The following MAS1 variants were observed in gnomAD, a reference collection of about 807,000 sequenced individuals.
The protein encoded by MAS1 is MAS1 proto-oncogene, G protein-coupled receptor.
For synonymous variants in MAS1, 163 were observed against 164.2 expected (o/e 0.99, Z 0.05); for missense variants, 387 against 409.7 (o/e 0.94, Z 0.48).
Position 159,911,389 on chromosome 6 carries a change from C to A in MAS1, c.*3456C>A. 1 of 126,202 alleles carries A rather than the reference C, an allele frequency of 7.9e-6. No homozygotes were observed. The highest frequency in any genetic ancestry group is 1.0e-4 in the Admixed American group (1 of 9,812). The allele number at this position is 126,202 out of a possible 1,614,324, so 7.8% of individuals were successfully genotyped here. A position where few individuals can be genotyped will look rare whatever the true frequency, so the allele number is the denominator to read the frequency against. ...TTGCTCTGTTGCCCCAGCTGGAGTG[C>A]GGTGGCGTGATTTCGGCTCACTGCA... On this transcript the variant is annotated 3_prime_UTR_variant, in exon 3 of 3. Transcript: ENST00000674077.
At position 159,909,000 on chromosome 6, in the gene MAS1, CCTG is replaced by C. The variant is rs1259341262; in HGVS notation, c.*1068_*1070del. 6.7e-6 allele frequency: 1 copy of C among 150,288 alleles called. No individual in the cohort carries two copies. Among genetic ancestry groups the C allele is most frequent in the Non-Finnish European group, 1.5e-5 (1 of 67,770 alleles). The allele number at this position is 150,288 out of a possible 1,614,324, so 9.3% of individuals were successfully genotyped here. A position where few individuals can be genotyped will look rare whatever the true frequency, so the allele number is the denominator to read the frequency against. ...GGCTTTTTTTTTTTTTTTCATCACA[CCTG>C]GAAGGAGGCTCAGTGGCAAGGGCTA... On this transcript the variant is annotated 3_prime_UTR_variant, in exon 3 of 3. Coordinates refer to ENST00000674077, the MANE Select transcript of MAS1 (RefSeq NM_002377.4).
chr6:159,907,301 T>A lies in MAS1; in HGVS notation c.346T>A (p.Tyr116Asn), dbSNP rs1353685172. The change falls in exon 3 of 3, where the codon TAC becomes AAC. Residue 116 changes from tyrosine to asparagine, a missense_variant. Physicochemically the swap from Tyr to Asn is moderately radical, Grantham distance 143 (BLOSUM62 -2). Transcript: ENST00000674077. ...VTLSVTFLFG[Y>N]NTGLYLLTAI... is the part of the protein sequence containing the mutation. ...ATTATCAGTGACTTTTCTGTTTGGC[T>A]ACAACACGGGCCTCTATCTGCTGAC... The A allele has an allele frequency of 6.2e-7, 1 of 1,614,236 alleles. No individual in the cohort carries two copies. The highest frequency in any genetic ancestry group is 1.1e-5 in the South Asian group (1 of 91,084).
rs986427734 is a variant in MAS1 at position 159,916,875 on chromosome 6, G to A, written c.*8942G>A. ...GAAAGCAGACACTGCTTAGATGAAC[G>A]AGGATGGCGGCACGCCAACAAATTC... On this transcript the variant is annotated 3_prime_UTR_variant, in exon 3 of 3. Coordinates refer to ENST00000674077, the MANE Select transcript of MAS1 (RefSeq NM_002377.4). 6.6e-5 allele frequency among the ~76,000 whole-genome samples: 10 copies of A among 152,262 alleles called. No homozygotes were observed. Among genetic ancestry groups the A allele is most frequent in the African/African-American group, 2.2e-4 (9 of 41,468 alleles).
At chr6:159,894,834 A>G (rs1413149721) in intron 1 of MAS1, among the ~76,000 whole-genome samples, 2 of 152,262 alleles carry the variant, frequency 1.3e-5, no homozygotes, top group African/African-American at 4.8e-5. Flanking sequence ...TATTGATAAT[A>G]GTGATAGCTA....
chr6:159,898,465 G>A (rs1429220021), intron 1 of MAS1, among the ~76,000 whole-genome samples: 2 of 151,206 alleles, frequency 1.3e-5, no homozygotes, highest in African/African-American at 2.4e-5. Flanking sequence ...AAGTTGAGGG[G>A]TTTGGTAGAA....
intron 1 of MAS1, among the ~76,000 whole-genome samples, chr6:159,894,190 G>A (rs555347698): frequency 2.0e-5 from 3 of 152,270 alleles, no homozygotes; most frequent in East Asian, 3.9e-4. Flanking sequence ...CTGTGGAGTA[G>A]GAAGGGAAGA....
rs1783034383 is a variant in MAS1, at chr6:159,916,971, C to G, written c.*9038C>G. Among the ~76,000 whole-genome samples the G allele has an allele frequency of 6.6e-6, 1 of 152,246 alleles. No individual in the cohort carries two copies. The highest frequency in any genetic ancestry group is 1.5e-5 in the Non-Finnish European group (1 of 68,048). ...GAAATTCTTTCTTTTCCCCTTCAACCATTTAAAAATGTAAAAAAACTATTC... is the reference window on the plus strand; with the variant it reads ...GAAATTCTTTCTTTTCCCCTTCAACGATTTAAAAATGTAAAAAAACTATTC... On this transcript the variant is annotated 3_prime_UTR_variant, in exon 3 of 3. Transcript: ENST00000674077.
At chr6:159,891,682 A>G (rs1183428058) in intron 1 of MAS1, among the ~76,000 whole-genome samples, 1 of 152,220 alleles carries the variant, frequency 6.6e-6, no homozygotes, top group African/African-American at 2.4e-5. Flanking sequence ...AGCCGTATGC[A>G]TTCCTTTGGT....
At position 159,905,912 on chromosome 6, in the gene MAS1, C is replaced by T. The variant is rs144155223; in HGVS notation, c.-36-1008C>T. Reference sequence around the variant, plus strand: ...AAAAAATTAGCCAGGCATTGTGGCACGCGCCTGTAGTCCCAGCTACTCAGG... The same window carrying T: ...AAAAAATTAGCCAGGCATTGTGGCATGCGCCTGTAGTCCCAGCTACTCAGG... On this transcript the variant is annotated intron_variant, in intron 2 of 2. Coordinates refer to ENST00000674077, the MANE Select transcript of MAS1 (RefSeq NM_002377.4). 8.1e-3 allele frequency among the ~76,000 whole-genome samples: 1,239 copies of T among 152,086 alleles called. 13 individuals carry two copies. The highest frequency in any genetic ancestry group is 0.028 in the African/African-American group (1,160 of 41,496).
intron 1 of MAS1, among the ~76,000 whole-genome samples, 147 bp downstream of exon 1, chr6:159,891,280 C>T (rs1047368728): frequency 2.6e-5 from 4 of 151,938 alleles, no homozygotes; most frequent in Admixed American, 2.0e-4. Context: ...AGATGTTTGC[C>T]GTTGGTGTGT....
intron 2 of MAS1, among the ~76,000 whole-genome samples, chr6:159,905,956 C>T (rs1474084706): frequency 6.6e-6 from 1 of 151,988 alleles, no homozygotes; most frequent in East Asian, 1.9e-4. Context: ...GCAGGAGAAT[C>T]GCTTGAACCT....
chr6:159,894,479 G>A (rs1782733193), intron 1 of MAS1, among the ~76,000 whole-genome samples: 1 of 151,700 alleles, frequency 6.6e-6, no homozygotes, highest in Non-Finnish European at 1.5e-5. Context: ...AAAGGGCAGT[G>A]TAAGAAGAGA....
chr6:159,890,213 T>G (rs55947362), upstream of MAS1, among the ~76,000 whole-genome samples: 17,815 of 152,052 alleles, frequency 0.12, 1,193 homozygotes, highest in African/African-American at 0.19. Context: ...CCATTTTTGG[T>G]TTTTAAAAGG....
At position 159,912,951 on chromosome 6, in the gene MAS1, G is replaced by T. The variant is rs973938630; in HGVS notation, c.*5018G>T. 2 of 152,220 alleles carry T rather than the reference G, an allele frequency of 1.3e-5. No individual in the cohort carries two copies. Among genetic ancestry groups the T allele is most frequent in the Admixed American group, 6.5e-5 (1 of 15,280 alleles). 9.4% of individuals were successfully genotyped at this position (152,220 alleles called of 1,614,324 possible). A position where few individuals can be genotyped will look rare whatever the true frequency, so the allele number is the denominator to read the frequency against. ...ATGATGAGATGGGAGCTTCCAAAAA[G>T]AAGCGTTTTAATATCAAATGTTGAA... On this transcript the variant is annotated 3_prime_UTR_variant, in exon 3 of 3. Transcript: ENST00000674077.
rs1782920368 is a variant in MAS1, at chr6:159,908,137, C to T, written c.*204C>T. 1 of 495,062 alleles carries T rather than the reference C, an allele frequency of 2.0e-6. No individual in the cohort carries two copies. Among genetic ancestry groups the T allele is most frequent in the Non-Finnish European group, 3.4e-6 (1 of 296,606 alleles). 30.7% of individuals were successfully genotyped at this position (495,062 alleles called of 1,614,324 possible). On this transcript the variant is annotated 3_prime_UTR_variant, in exon 3 of 3. Coordinates refer to ENST00000674077, the MANE Select transcript of MAS1 (RefSeq NM_002377.4). The stretch of plus-strand genomic sequence containing the variant: ...GTCATTTCTGTACTTGACAAAGACT[C>T]TATTTCTTTCAGCTCTTTTGGCAGC...
At chr6:159,904,901 TTGCC>T (rs1782866626) in intron 2 of MAS1, among the ~76,000 whole-genome samples, 1 of 152,208 alleles carries the variant, frequency 6.6e-6, no homozygotes, top group Non-Finnish European at 1.5e-5. Context: ...GCTGTTTCTT[TTGCC>T]TGGAATACTT....
chr6:159,889,803 G>T (rs1388353689), upstream of MAS1, among the ~76,000 whole-genome samples: 1 of 152,152 alleles, frequency 6.6e-6, no homozygotes, highest in African/African-American at 2.4e-5. Context: ...TGGCTTCAGG[G>T]GAAGCTCTCT....
chr6:159,897,798 G>A (rs1387736421), intron 1 of MAS1, among the ~76,000 whole-genome samples: 1 of 151,936 alleles, frequency 6.6e-6, no homozygotes, highest in Non-Finnish European at 1.5e-5. Flanking sequence ...ACAGGCAGGT[G>A]TGGTTTGATC....
In MAS1 at chr6:159,907,883, C is replaced by T. The variant is rs772577864; in HGVS notation, c.928C>T (p.Arg310Trp). 3.2e-5 allele frequency: 51 copies of T among 1,610,038 alleles called. No homozygotes were observed. The highest frequency in any genetic ancestry group is 1.6e-4 in the East Asian group (7 of 44,730). ...GGCTTTCAAAGATGAAATGCAACCT[C>T]GGCGCCAGAAAGACAATTGTAATAC... is the stretch of plus-strand genomic sequence containing the variant. ...TRAFKDEMQP[R>W]RQKDNCNTVT... Residue 310 changes from arginine to tryptophan, a missense_variant, in exon 3 of 3, where the codon CGG becomes TGG. By Grantham distance (101) the Arg-to-Trp change is moderately radical. Transcript: ENST00000674077.
Sources: allele counts gnomAD v4.1 joint callset (sites outside exome capture counted in the v4.1 genomes callset), GRCh38; gene constraint gnomAD v4.1.1; transcripts MANE v1.5; gene names NCBI Gene and HGNC (gene_info 2026-07-23, HGNC 2026-07-21).